PCED1B: variants seen among roughly 807,000 people sequenced by gnomAD.
The protein encoded by PCED1B is PC-esterase domain-containing protein 1B.
For synonymous variants in PCED1B, 251 were observed against 246.1 expected, an observed-to-expected ratio of 1.02 and a Z score of -0.19; for missense variants, 573 against 573.9, an observed-to-expected ratio of 1.00 and a Z score of 0.02.
chr12:47,197,610 A>G (rs899243947), intron 2 of PCED1B, among the ~76,000 whole-genome samples: 7 of 151,720 alleles, frequency 4.6e-5, no homozygotes, highest in African/African-American at 1.7e-4. Context: ...CTCTGTCTCA[A>G]AAAAATAAAT....
chr12:47,150,721 A>T (rs1209761739), intron 2 of PCED1B, among the ~76,000 whole-genome samples: 2 of 152,050 alleles, frequency 1.3e-5, no homozygotes, highest in Non-Finnish European at 2.9e-5. Context: ...GTAGGAGCTC[A>T]TGGGGTGTGT....
At position 47,235,842 on chromosome 12, in the gene PCED1B, A is replaced by G. The variant is rs771092831; in HGVS notation, c.779A>G (p.His260Arg). The G allele has an allele frequency of 4.4e-6, 7 of 1,574,064 alleles. No homozygotes were observed. The highest frequency in any genetic ancestry group is 6.0e-6 in the Non-Finnish European group (7 of 1,160,182). The change falls in exon 4 of 4, where the codon CAC (histidine) becomes CGC (arginine). Residue 260 changes from histidine (H) to arginine (R), a missense_variant. Physicochemically the swap from His to Arg is conservative, Grantham distance 29. Transcript: ENST00000546455. ...DAWGVELPHR[H>R]PVGEWIKKKK... ...TGGGGTGTGGAGCTGCCCCACCGCC[A>G]CCCCGTGGGCGAGTGGATCAAGAAG...
chr12:47,206,228 C>G (rs1942907087), intron 2 of PCED1B: 1 of 152,200 alleles, frequency 6.6e-6, no homozygotes, highest in South Asian at 2.1e-4. Context: ...TGACTCCTAT[C>G]CATAATTTCT....
intron 2 of PCED1B, among the ~76,000 whole-genome samples, chr12:47,185,077 G>A (rs971733102): frequency 1.3e-5 from 2 of 152,140 alleles, no homozygotes; most frequent in Non-Finnish European, 2.9e-5. Flanking sequence ...TAGCCTCATA[G>A]TCACAAGATG....
intron 2 of PCED1B, among the ~76,000 whole-genome samples, chr12:47,140,164 T>C (rs1940540596): frequency 6.6e-6 from 1 of 152,224 alleles, no homozygotes; most frequent in Admixed American, 6.5e-5. Flanking sequence ...ATTTTGCTTA[T>C]CAAATAATCT....
At chr12:47,124,347 A>G (rs1326798607) in intron 2 of PCED1B, among the ~76,000 whole-genome samples, 1 of 152,008 alleles carries the variant, frequency 6.6e-6, no homozygotes, top group Non-Finnish European at 1.5e-5. Flanking sequence ...TTATGTATCA[A>G]TAGTTACTCC....
chr12:47,225,062 G>C (rs1943594507), intron 3 of PCED1B, among the ~76,000 whole-genome samples: 1 of 152,126 alleles, frequency 6.6e-6, no homozygotes, highest in African/African-American at 2.4e-5. Context: ...CTCCCAAGTA[G>C]CTCGGATTAC....
At chr12:47,194,207 C>T (rs1375189848) in intron 2 of PCED1B, among the ~76,000 whole-genome samples, 3 of 152,210 alleles carry the variant, frequency 2.0e-5, no homozygotes, top group Non-Finnish European at 4.4e-5. Flanking sequence ...TGGAGTCTCA[C>T]TCTGTCGCCC....
At chr12:47,116,440 G>GA (rs1339261423) in intron 2 of PCED1B, among the ~76,000 whole-genome samples, 1 of 151,924 alleles carries the variant, frequency 6.6e-6, no homozygotes, top group African/African-American at 2.4e-5. Flanking sequence ...TTGATCTGCT[G>GA]AAAAAAATAG....
chr12:47,209,103 C>G (rs1401115357), intron 2 of PCED1B: 3 of 152,380 alleles, frequency 2.0e-5, no homozygotes, highest in African/African-American at 7.2e-5. Context: ...TCAGGGTGAG[C>G]AAAGACCAGG....
chr12:47,189,149 T>C (rs1015476208), intron 2 of PCED1B, among the ~76,000 whole-genome samples: 1 of 152,236 alleles, frequency 6.6e-6, no homozygotes, highest in African/African-American at 2.4e-5. Flanking sequence ...ATTGCTTGTT[T>C]CATTGGTTCT....
intron 2 of PCED1B, among the ~76,000 whole-genome samples, chr12:47,165,548 G>T (rs1941518483): frequency 6.6e-6 from 1 of 152,148 alleles, no homozygotes; most frequent in East Asian, 1.9e-4. Flanking sequence ...TTTCTACAAT[G>T]AAAGAATTCA....
At chr12:47,162,383 T>C (rs898336892) in intron 2 of PCED1B, among the ~76,000 whole-genome samples, 1 of 152,064 alleles carries the variant, frequency 6.6e-6, no homozygotes, top group African/African-American at 2.4e-5. Context: ...AAGAAATACC[T>C]GAGATTGGGT....
chr12:47,083,273 T>C (rs1470318195), intron 1 of PCED1B, among the ~76,000 whole-genome samples: 6 of 152,126 alleles, frequency 3.9e-5, no homozygotes, highest in Non-Finnish European at 8.8e-5. Context: ...CTTTATCTCC[T>C]TTGACTCTAC....
At chr12:47,218,692 A>T (rs1352957052) in intron 3 of PCED1B, among the ~76,000 whole-genome samples, 6 of 141,510 alleles carry the variant, frequency 4.2e-5, no homozygotes, top group Non-Finnish European at 7.6e-5. Context: ...TTTTTTAGAG[A>T]CAGAGGTGTA....
intron 2 of PCED1B, among the ~76,000 whole-genome samples, chr12:47,116,974 A>AC (rs1198662263): frequency 6.6e-6 from 1 of 152,206 alleles, no homozygotes; most frequent in African/African-American, 2.4e-5. Flanking sequence ...CACCTCAGAA[A>AC]GAAACATTGA....
At chr12:47,212,672 G>A (rs980665325) in intron 2 of PCED1B, among the ~76,000 whole-genome samples, 9 of 152,156 alleles carry the variant, frequency 5.9e-5, no homozygotes, top group African/African-American at 2.2e-4. Context: ...CAGTATTTAC[G>A]TTTTTTTCCA....
chr12:47,202,602 AAAAAAAAAAAAAAAAAAG>A (rs1942797143), intron 2 of PCED1B, among the ~76,000 whole-genome samples: 1 of 146,308 alleles, frequency 6.8e-6, no homozygotes, highest in Non-Finnish European at 1.5e-5. Flanking sequence ...AGTAAAAAAA[AAAAAAAAAAAAAAAAAAG>A]AAAAAAGAAA....
At chr12:47,174,147 G>A (rs541827427) in intron 2 of PCED1B, among the ~76,000 whole-genome samples, 4 of 151,888 alleles carry the variant, frequency 2.6e-5, no homozygotes, top group Admixed American at 6.6e-5. Context: ...GGTGGCTCAC[G>A]CCTGTAATCC....
Sources: gnomAD v4.1 joint callset for allele counts (sites outside exome capture counted in the v4.1 genomes callset) on GRCh38, gnomAD v4.1.1 for gene constraint, MANE v1.5 for transcripts, NCBI Gene and HGNC (gene_info 2026-07-23, HGNC 2026-07-21) for gene names.